The following CEP68 variants were observed in gnomAD, a reference collection of about 807,000 sequenced individuals.
The protein encoded by CEP68 is centrosomal protein 68.
Under a neutral mutation model 55.3 loss-of-function variants are expected in CEP68, and 26 were observed. The observed-to-expected ratio is 0.47, with a 90% CI of 0.34 to 0.65. The LOEUF is 0.65. Among genes scored for constraint, CEP68 ranks in the 30% least tolerant of loss-of-function variants. The probability of loss-of-function intolerance (pLI) is 0.01; values close to 1 mark genes in which losing one functional copy is unlikely to be tolerated. For synonymous variants in CEP68, 402 were observed against 383.2 expected (o/e 1.05, Z -0.57); for missense variants, 957 against 946.7 (o/e 1.01, Z -0.14).
rs372116945 is a variant in CEP68, at chr2:65,060,333, C to G, written c.-47+3805C>G. On this transcript the variant is annotated intron_variant, in intron 1 of 6. Coordinates refer to ENST00000377990, the MANE Select transcript of CEP68 (RefSeq NM_015147.3). ...GCCAGAGAATTCTCCCATGGCTTCT[C>G]CAAAGAGAATGCTATGGTACAGTGA... is the stretch of plus-strand genomic sequence containing the variant. Among the ~76,000 whole-genome samples, 336 of 152,244 alleles carry G rather than the reference C, an allele frequency of 2.2e-3. 5 individuals carry two copies. Among genetic ancestry groups the G allele is most frequent in the African/African-American group, 7.8e-3 (323 of 41,528 alleles).
At chr2:65,080,557 G>A (rs1042063309) in intron 5 of CEP68, 13 of 984,836 alleles carry the variant, frequency 1.3e-5, no homozygotes, top group South Asian at 4.7e-5. Flanking sequence ...AGTGGCTCAC[G>A]CCTGTAATCT....
intron 2 of CEP68, among the ~76,000 whole-genome samples, chr2:65,070,313 G>T (rs1403475464): frequency 6.6e-6 from 1 of 152,168 alleles, no homozygotes; most frequent in African/African-American, 2.4e-5. Context: ...TGACTGCCAG[G>T]CAGCTTCTCC....
chr2:65,084,591 C>G lies in CEP68; in HGVS notation c.*957C>G, dbSNP rs75186963. On this transcript the variant is annotated 3_prime_UTR_variant, in exon 7 of 7. Coordinates refer to ENST00000377990, the MANE Select transcript of CEP68 (RefSeq NM_015147.3). The stretch of plus-strand genomic sequence containing the variant: ...CTATAGCTTTTTGCAGCAAGATGAT[C>G]AGTTATTGCTGGTAACTGCAGATTC... 1 of 151,158 alleles carries G rather than the reference C, an allele frequency of 6.6e-6. No individual in the cohort carries two copies. Among genetic ancestry groups the G allele is most frequent in the South Asian group, 2.1e-4 (1 of 4,812 alleles). The allele number at this position is 151,158 out of a possible 1,614,324, so 9.4% of individuals were successfully genotyped here.
rs1292975501 is a variant in CEP68 at position 65,074,368 on chromosome 2, T to A, written c.1971T>A (p.Asn657Lys). 4 of 1,614,208 alleles carry A rather than the reference T, an allele frequency of 2.5e-6. No individual in the cohort carries two copies. In the East Asian group the frequency reaches 6.7e-5, roughly 27 times the overall value. ...VTDHGTAARS[N>K]LTSLKSSLQL... is the part of the protein sequence containing the mutation. ...ACCACGGGACTGCAGCCAGGTCCAATCTTACAAGTCTCAAGTCTTCTCTGC... is the reference window on the plus strand; with the variant it reads ...ACCACGGGACTGCAGCCAGGTCCAAACTTACAAGTCTCAAGTCTTCTCTGC... The change falls in exon 4 of 7, where the codon AAT becomes AAA. Residue 657 changes from asparagine to lysine, a missense_variant. Transcript: ENST00000377990.
Position 65,085,207 on chromosome 2 carries a change from G to T in CEP68, c.*1573G>T, listed in dbSNP as rs1668993171. 1 of 152,266 alleles carries T rather than the reference G, an allele frequency of 6.6e-6. No homozygotes were observed. 9.4% of individuals were successfully genotyped at this position (152,266 alleles called of 1,614,324 possible). Reference sequence around the variant, plus strand: ...TGTATTAATTAGCATAAAAGTTGGAGATGAAAACCCTATAGAAACAAATTG... The same window carrying T: ...TGTATTAATTAGCATAAAAGTTGGATATGAAAACCCTATAGAAACAAATTG... On this transcript the variant is annotated 3_prime_UTR_variant, in exon 7 of 7. Coordinates refer to ENST00000377990, the MANE Select transcript of CEP68 (RefSeq NM_015147.3).
At chr2:65,059,957 A>T (rs147240376) in intron 1 of CEP68, among the ~76,000 whole-genome samples, 183 of 151,900 alleles carry the variant, frequency 1.2e-3, no homozygotes, top group African/African-American at 4.1e-3. Flanking sequence ...TATTGGAATA[A>T]AATCTTGGGT....
chr2:65,069,572 C>G lies in CEP68; in HGVS notation c.128C>G (p.Pro43Arg). The G allele has an allele frequency of 1.2e-6, 2 of 1,613,270 alleles. No individual in the cohort carries two copies. Among genetic ancestry groups the G allele is most frequent in the Non-Finnish European group, 1.7e-6 (2 of 1,179,436 alleles). The part of the protein sequence containing the change: ...IPGPMSGEQP[P>R]RLEAEGGLIS... ...GGGCCCATGAGTGGGGAGCAGCCCC[C>G]ACGCCTGGAAGCTGAGGGAGGGCTC... Residue 43 changes from proline to arginine, a missense_variant, in exon 2 of 7, where the codon CCA (proline) becomes CGA (arginine). Transcript: ENST00000377990.
rs1482319897 is a variant in CEP68 at position 65,078,545 on chromosome 2, GTTTTGC to G, written c.2104+587_2104+592del. Among the ~76,000 whole-genome samples the G allele has an allele frequency of 1.4e-4, 22 of 152,130 alleles. 1 individual carries two copies. In the East Asian group the frequency reaches 4.3e-3, roughly 29 times the overall value. ...CCAAGCTCAAGCCCCTTTTTGTTTT[GTTTTGC>G]TTTTGAGATGGAGTTTCGCTCTTGT... On this transcript the variant is annotated intron_variant, in intron 5 of 6. Coordinates refer to ENST00000377990, the MANE Select transcript of CEP68 (RefSeq NM_015147.3).
chr2:65,068,309 C>T (rs1676294268), intron 1 of CEP68, among the ~76,000 whole-genome samples: 1 of 152,140 alleles, frequency 6.6e-6, no homozygotes, highest in South Asian at 2.1e-4. Flanking sequence ...GTTCCTGAAC[C>T]TCTTTGTGTT....
chr2:65,071,955 G>C lies in CEP68; in HGVS notation c.859G>C (p.Asp287His), dbSNP rs779249313. 6.2e-7 allele frequency: 1 copy of C among 1,612,526 alleles called. No homozygotes were observed. Among genetic ancestry groups the C allele is most frequent in the Non-Finnish European group, 8.5e-7 (1 of 1,179,970 alleles). Reference sequence around the variant, plus strand: ...GCCAGATTCCCTGCCTCCATCACCCGACCGCCACTCCCCTCTCTGGAACCC... The same window carrying C: ...GCCAGATTCCCTGCCTCCATCACCCCACCGCCACTCCCCTCTCTGGAACCC... ...VLPDSLPPSPDRHSPLWNPNK... is the reference protein window; with the variant it reads ...VLPDSLPPSPHRHSPLWNPNK... The change falls in exon 3 of 7, where the codon GAC becomes CAC. Residue 287 changes from aspartate to histidine, a missense_variant. Physicochemically the swap from Asp to His is moderately conservative, Grantham distance 81. Transcript: ENST00000377990.
rs755094914 is a variant in CEP68 at position 65,072,039 on chromosome 2, C to G, written c.943C>G (p.Leu315Val). 1 of 1,613,734 alleles carries G rather than the reference C, an allele frequency of 6.2e-7. No individual in the cohort carries two copies. The highest frequency in any genetic ancestry group is 2.2e-5 in the East Asian group (1 of 44,836). The change falls in exon 3 of 7, where the codon CTC (leucine) becomes GTC (valine). Residue 315 changes from leucine (L) to valine (V), a missense_variant. Physicochemically the swap from Leu to Val is conservative, Grantham distance 32 (BLOSUM62 1). Transcript: ENST00000377990. ...YTYPLRPGPQ[L>V]PKHLDSRVPA... ...TTACCCACTGAGGCCCGGGCCTCAG[C>G]TCCCAAAGCACCTTGATAGCCGTGT...
intron 1 of CEP68, among the ~76,000 whole-genome samples, chr2:65,064,125 TG>T (rs1676039505): frequency 1.3e-5 from 2 of 152,210 alleles, no homozygotes; most frequent in South Asian, 4.1e-4. Context: ...TCTTCTTACC[TG>T]GTTGCTGAAG....
At chr2:65,078,253 T>G (rs1407638796) in intron 5 of CEP68, among the ~76,000 whole-genome samples, 1 of 152,190 alleles carries the variant, frequency 6.6e-6, no homozygotes, top group African/African-American at 2.4e-5. Flanking sequence ...ATTTTTCTGG[T>G]GGTAGTCTGG....
intron 1 of CEP68, among the ~76,000 whole-genome samples, chr2:65,061,667 C>T (rs1675921024): frequency 6.6e-6 from 1 of 152,246 alleles, no homozygotes; most frequent in Admixed American, 6.5e-5. Flanking sequence ...GACTTCCCAG[C>T]AGGGCAGGAG....
chr2:65,074,471 G>A (rs754330444), intron 4 of CEP68, 67 bp downstream of exon 4: 16 of 1,609,452 alleles, frequency 9.9e-6, no homozygotes, highest in Non-Finnish European at 1.4e-5. Context: ...CGATTACAAA[G>A]TAAAATCTCA....
At position 65,069,500 on chromosome 2, in the gene CEP68, A is replaced by T. The variant is rs1384775751; in HGVS notation, c.56A>T (p.Gln19Leu). ...EAEASEDTKAQSYGRGSCRER... is the reference protein window; with the variant it reads ...EAEASEDTKALSYGRGSCRER... ...GAAGCATCTGAAGACACAAAGGCCC[A>T]GTCCTATGGGAGAGGGAGCTGCAGG... The change falls in exon 2 of 7, where the codon CAG becomes CTG. Residue 19 changes from glutamine to leucine, a missense_variant. Transcript: ENST00000377990. The T allele has an allele frequency of 1.3e-6, 2 of 1,556,006 alleles. No individual in the cohort carries two copies. The highest frequency in any genetic ancestry group is 1.9e-5 in the Admixed American group (1 of 51,592).
At position 65,077,792 on chromosome 2, in the gene CEP68, G is replaced by A. The variant is rs1676832026; in HGVS notation, c.2008-76G>A. The A allele has an allele frequency of 1.0e-5, 11 of 1,104,384 alleles. No individual in the cohort carries two copies. The South Asian group carries it at 1.4e-4, about 14-fold the overall frequency. The allele number at this position is 1,104,384 out of a possible 1,614,324, so 68.4% of individuals were successfully genotyped here. On this transcript the variant is annotated intron_variant, in intron 4 of 6. Coordinates refer to ENST00000377990, the MANE Select transcript of CEP68 (RefSeq NM_015147.3). ...AGAGGGGAATAAGGCTTCCCTACAT[G>A]CTGTGCTTTTCAAATAACGTTTACA...
At position 65,085,347 on chromosome 2, in the gene CEP68, G is replaced by T. The variant is rs1476644676; in HGVS notation, c.*1713G>T. On this transcript the variant is annotated 3_prime_UTR_variant, in exon 7 of 7. Transcript: ENST00000377990. ...TGTTACACAATACCCTGTTTCCCAA[G>T]AAAGTACTACCTTACCTAGAGATGA... The T allele has an allele frequency of 6.6e-6, 1 of 152,110 alleles. No homozygotes were observed. The highest frequency in any genetic ancestry group is 1.5e-5 in the Non-Finnish European group (1 of 68,022). 9.4% of individuals were successfully genotyped at this position (152,110 alleles called of 1,614,324 possible).
rs897000421 is a variant in CEP68 at position 65,086,441 on chromosome 2, C to T, written c.*2807C>T. 1.3e-5 allele frequency: 2 copies of T among 152,082 alleles called. No homozygotes were observed. Among genetic ancestry groups the T allele is most frequent in the African/African-American group, 2.4e-5 (1 of 41,410 alleles). 9.4% of individuals were successfully genotyped at this position (152,082 alleles called of 1,614,324 possible). ...TTTTTTCCAGAACCACATTTATTGG[C>T]GTATACATAGAAGCAAATCTTAAGG... On this transcript the variant is annotated 3_prime_UTR_variant, in exon 7 of 7. Coordinates refer to ENST00000377990, the MANE Select transcript of CEP68 (RefSeq NM_015147.3).
Sources: gnomAD v4.1 joint callset for allele counts (sites outside exome capture counted in the v4.1 genomes callset) on GRCh38, gnomAD v4.1.1 for gene constraint, MANE v1.5 for transcripts, NCBI Gene and HGNC (gene_info 2026-07-23, HGNC 2026-07-21) for gene names.